Variants in HEATR4 observed in about 807,000 individuals in gnomAD.
HEATR4 encodes HEAT repeat containing 4, also known as HEAT repeat-containing protein 4.
A neutral mutation model predicts 108.8 loss-of-function variants in HEATR4; 95 were observed. The observed-to-expected ratio is 0.87, with a 90% CI of 0.74 to 1.04. The LOEUF (loss-of-function observed/expected upper bound fraction) is 1.04. Among genes scored for constraint, HEATR4 ranks in the 50% least tolerant of loss-of-function variants. The pLI is 0.00. For synonymous variants in HEATR4, 443 were observed against 459.4 expected, an observed-to-expected ratio of 0.96 and a Z score of 0.46; for missense variants, 1,152 against 1,253.8, an observed-to-expected ratio of 0.92 and a Z score of 1.23.
the HEATR4 span, chr14:73,612,880 C>T: frequency 7.2e-7 from 1 of 1,397,254 alleles, no homozygotes; most frequent in Non-Finnish European, 9.6e-7. Flanking sequence ...CGCCCTTCGC[C>T]GTGGAGCTGG....
Position 73,524,310 on chromosome 14 carries a change from A to AAAAAATATATATATAT in HEATR4, c.-72-1087_-72-1086insATATATATATATTTTT. Among the ~76,000 whole-genome samples, 13 of 54,768 alleles carry AAAAAATATATATATAT rather than the reference A, an allele frequency of 2.4e-4. No homozygotes were observed. The South Asian group carries it at 2.4e-3, about 10-fold the overall frequency. 35.9% of individuals were successfully genotyped at this position (54,768 alleles called of 152,430 possible). A position where few individuals can be genotyped will look rare whatever the true frequency, so the allele number is the denominator to read the frequency against. On this transcript the variant is annotated intron_variant, in intron 2 of 17. Transcript: ENST00000553558. ...CTCCGTCTCAAAAAAAAAAAAAAAAAATATATATATATATATATATATATA... is the reference window on the plus strand; with the variant it reads ...CTCCGTCTCAAAAAAAAAAAAAAAAAAAAAATATATATATATATATATATATATATATATATATATA...
Position 73,521,038 on chromosome 14 carries a change from A to T in HEATR4, c.883T>A (p.Leu295Met), listed in dbSNP as rs141958391. 47 of 1,613,048 alleles carry T rather than the reference A, an allele frequency of 2.9e-5. No individual in the cohort carries two copies. The African/African-American group carries it at 5.2e-4, about 18-fold the overall frequency. ...PELLLPVYYR[L>M]PSYFQQAETV... ...TCTGCTTGTTGGAAGTAACTGGGCA[A>T]TCTTGGCAGGGGTGAGAAAGGAGGG... Residue 295 changes from leucine (L) to methionine (M), a missense_variant and splice_region_variant, in exon 4 of 18, where the codon TTG becomes ATG. Coordinates refer to ENST00000553558, the MANE Select transcript of HEATR4 (RefSeq NM_001220484.1).
intron 4 of HEATR4, among the ~76,000 whole-genome samples, chr14:73,519,633 G>T (rs1566838834): frequency 2.6e-5 from 4 of 152,206 alleles, no homozygotes; most frequent in African/African-American, 9.7e-5. Context: ...TGAGGCAGGA[G>T]AATCAGTTGA....
the HEATR4 span, among the ~76,000 whole-genome samples, chr14:73,570,322 C>A: frequency 2.0e-5 from 3 of 151,808 alleles, no homozygotes; most frequent in Non-Finnish European, 4.4e-5. Context: ...GTAATCCCAG[C>A]ACTTTGGGAA....
chr14:73,597,597 T>G, the HEATR4 span, among the ~76,000 whole-genome samples: 87 of 141,998 alleles, frequency 6.1e-4, no homozygotes, highest in African/African-American at 2.0e-3. Flanking sequence ...TTTTCTTTTT[T>G]TTTTTTTTTT....
At chr14:73,576,358 TCTC>T in the HEATR4 span, among the ~76,000 whole-genome samples, 1 of 152,004 alleles carries the variant, frequency 6.6e-6, no homozygotes, top group African/African-American at 2.4e-5. Context: ...TTTGATATCT[TCTC>T]CTTGGATTAA....
At chr14:73,518,903 G>C (rs1887800808) in intron 5 of HEATR4, 120 bp downstream of exon 5, 2 of 923,670 alleles carry the variant, frequency 2.2e-6, no homozygotes, top group Non-Finnish European at 3.3e-6. Flanking sequence ...GGATTGCCTA[G>C]ATGCTAATGG....
intron 5 of HEATR4, among the ~76,000 whole-genome samples, chr14:73,517,050 G>A (rs1396519649): frequency 2.0e-5 from 3 of 152,148 alleles, no homozygotes; most frequent in Admixed American, 6.5e-5. Flanking sequence ...GGAGGCTAAG[G>A]TGGGAGGACC....
At chr14:73,590,027 G>A in the HEATR4 span, among the ~76,000 whole-genome samples, 3 of 152,134 alleles carry the variant, frequency 2.0e-5, no homozygotes, top group African/African-American at 7.2e-5. Context: ...AGCAGTGCGG[G>A]CCCAAAAACT....
intron 1 of HEATR4, among the ~76,000 whole-genome samples, chr14:73,557,985 T>C (rs2019555): frequency 0.1 from 8,227 of 78,714 alleles, 2,908 homozygotes; most frequent in African/African-American, 0.28. Context: ...GGAATAGATA[T>C]GGGTAAAGAA....
At chr14:73,481,611 G>A (rs1885260888) in intron 17 of HEATR4, among the ~76,000 whole-genome samples, 1 of 151,904 alleles carries the variant, frequency 6.6e-6, no homozygotes, top group Non-Finnish European at 1.5e-5. Context: ...GGAGGCCGAC[G>A]CGGGCGGATC....
At position 73,509,862 on chromosome 14, in the gene HEATR4, A is replaced by ATT. The variant is rs1566832327; in HGVS notation, c.1559-390_1559-389insAA. Among the ~76,000 whole-genome samples, 36 of 63,198 alleles carry ATT rather than the reference A, an allele frequency of 5.7e-4. 3 individuals are homozygous for ATT. Among genetic ancestry groups the ATT allele is most frequent in the African/African-American group, 2.3e-3 (34 of 14,692 alleles). The allele number at this position is 63,198 out of a possible 152,430, so 41.5% of individuals were successfully genotyped here. A position where few individuals can be genotyped will look rare whatever the true frequency, so the allele number is the denominator to read the frequency against. The stretch of plus-strand genomic sequence containing the variant: ...TATATATATATATATATATATATAT[A>ATT]TATATATTTATTTATTTTATATATT... On this transcript the variant is annotated intron_variant, in intron 7 of 17. Transcript: ENST00000553558.
chr14:73,612,547 T>G, the HEATR4 span: 1 of 1,284,328 alleles, frequency 7.8e-7, no homozygotes, highest in Non-Finnish European at 1.0e-6. Context: ...CGGAGCTGGG[T>G]CGCCCCTGTT....
the HEATR4 span, chr14:73,593,687 T>C: frequency 7.6e-6 from 12 of 1,583,466 alleles, no homozygotes; most frequent in South Asian, 2.2e-5. Context: ...ACATTTATAA[T>C]ATTTTGTTCT....
At chr14:73,513,942 A>T (rs978017003) in intron 6 of HEATR4, 89 bp downstream of exon 6, 19 of 1,329,586 alleles carry the variant, frequency 1.4e-5, no homozygotes, top group Non-Finnish European at 2.1e-5. Context: ...CAAAGGAGGG[A>T]TGGATTTTTC....
chr14:73,561,713 G>A (rs560620371), upstream of HEATR4, among the ~76,000 whole-genome samples: 23 of 152,164 alleles, frequency 1.5e-4, no homozygotes, highest in Non-Finnish European at 3.1e-4. Flanking sequence ...GCTGTGTGAG[G>A]TGGCTCATGC....
At position 73,492,382 on chromosome 14, in the gene HEATR4, C is replaced by G. The variant is rs1343264584; in HGVS notation, c.2844+684G>C. The G allele has an allele frequency of 6.2e-7, 1 of 1,613,728 alleles. No individual in the cohort carries two copies. The highest frequency in any genetic ancestry group is 8.5e-7 in the Non-Finnish European group (1 of 1,179,810). The stretch of plus-strand genomic sequence containing the variant: ...ATGTGGAGTTTCGGAGGGGTCTGCC[C>G]CGAGACTTCATGGATTACATGGGGG... On this transcript the variant is annotated intron_variant, in intron 17 of 17. Coordinates refer to ENST00000553558, the MANE Select transcript of HEATR4 (RefSeq NM_001220484.1). This position sits in a 1 kb window ranked among gnomAD's most constrained non-coding sequence, Gnocchi z 4.9.
At chr14:73,612,812 C>A in the HEATR4 span, 1 of 1,424,630 alleles carries the variant, frequency 7.0e-7, no homozygotes, top group Non-Finnish European at 9.3e-7. Flanking sequence ...CATGGGGCTG[C>A]TGTGGGCGTT....
rs1888891396 is a variant in HEATR4 at position 73,537,258 on chromosome 14, T to G, written c.-151-7014A>C. 7 of 587,258 alleles carry G rather than the reference T, an allele frequency of 1.2e-5. 1 individual carries two copies. The highest frequency in any genetic ancestry group is 1.8e-5 in the Non-Finnish European group (7 of 389,378). The allele number at this position is 587,258 out of a possible 1,614,324, so 36.4% of individuals were successfully genotyped here. ...AGTTCCAGTGTGTCTATATTTGGTC[T>G]GGCTGATCGGCTGGACTCTGGCCTT... On this transcript the variant is annotated intron_variant, in intron 1 of 17. Coordinates refer to ENST00000553558, the MANE Select transcript of HEATR4 (RefSeq NM_001220484.1).
Sources: allele counts gnomAD v4.1 joint callset (sites outside exome capture counted in the v4.1 genomes callset), GRCh38; gene constraint gnomAD v4.1.1; non-coding constraint Gnocchi (gnomAD v3.1); transcripts MANE v1.5; gene names NCBI Gene and HGNC (gene_info 2026-07-23, HGNC 2026-07-21).